Variants in NYAP2 observed in about 807,000 individuals in gnomAD.
NYAP2 encodes neuronal tyrosine-phosphorylated phosphoinositide-3-kinase adaptor 2.
In NYAP2, 23 loss-of-function variants were observed where a neutral mutation model predicts 50.4. The ratio of observed to expected loss-of-function variants is 0.46; its 90% confidence interval spans 0.33 to 0.65. NYAP2 has a LOEUF of 0.65. NYAP2 is among the 30% of genes least tolerant of loss of function. NYAP2 has a pLI of 0.02. For missense variants in NYAP2, 885 were observed against 861.0 expected (o/e 1.03, Z -0.35); for synonymous variants, 394 against 365.2 (o/e 1.08, Z -0.90).
At chr2:225,398,245 G>A (rs1559169366), upstream of NYAP2, among the ~76,000 whole-genome samples, 1 of 151,918 alleles carries the variant, frequency 6.6e-6, no homozygotes, top group East Asian at 1.9e-4. Flanking sequence ...ATCCTAATGA[G>A]GCAATTAAGT....
intron 6 of NYAP2, among the ~76,000 whole-genome samples, chr2:225,648,988 C>T (rs1371146463): frequency 6.6e-6 from 1 of 152,124 alleles, no homozygotes; most frequent in Non-Finnish European, 1.5e-5. Context: ...GAATGCATAT[C>T]ACAGGTGGAA....
chr2:225,690,403 A>G, the NYAP2 span, among the ~76,000 whole-genome samples: 1 of 152,130 alleles, frequency 6.6e-6, no homozygotes, highest in East Asian at 1.9e-4. Flanking sequence ...ATCAATTTCA[A>G]AAGATTTATT....
intron 3 of NYAP2, among the ~76,000 whole-genome samples, chr2:225,484,893 T>C (rs1440964887): frequency 1.3e-5 from 2 of 152,210 alleles, no homozygotes; most frequent in East Asian, 3.9e-4. Flanking sequence ...AAATGAAAAC[T>C]TGGGCTTCAC....
intron 3 of NYAP2, among the ~76,000 whole-genome samples, chr2:225,485,833 G>A (rs1055902528): frequency 4.6e-5 from 7 of 152,162 alleles, no homozygotes; most frequent in Non-Finnish European, 5.9e-5. Flanking sequence ...GTTTCTCGGC[G>A]TGACTGACAT....
chr2:225,546,148 T>C (rs1414873053), intron 4 of NYAP2, among the ~76,000 whole-genome samples: 1 of 152,122 alleles, frequency 6.6e-6, no homozygotes, highest in African/African-American at 2.4e-5. Context: ...CAGCAGAGAA[T>C]TGAGTCTCTC....
chr2:225,584,354 G>GT (rs1415087236), intron 5 of NYAP2, among the ~76,000 whole-genome samples: 6 of 152,116 alleles, frequency 3.9e-5, no homozygotes, highest in African/African-American at 1.4e-4. Context: ...TCAAAGACCA[G>GT]GAAATTTATC....
chr2:225,451,028 G>A (rs1435352606), intron 3 of NYAP2, among the ~76,000 whole-genome samples: 1 of 152,166 alleles, frequency 6.6e-6, no homozygotes, highest in Non-Finnish European at 1.5e-5. Flanking sequence ...TCATCTAAAA[G>A]GGGACTTAAT....
At chr2:225,522,645 G>T (rs1416177258) in intron 4 of NYAP2, among the ~76,000 whole-genome samples, 1 of 152,106 alleles carries the variant, frequency 6.6e-6, no homozygotes, top group African/African-American at 2.4e-5. Flanking sequence ...TATCTACCCT[G>T]TTGTACTGGG....
chr2:225,685,635 T>C, the NYAP2 span, among the ~76,000 whole-genome samples: 25 of 152,146 alleles, frequency 1.6e-4, no homozygotes. Context: ...ATATGTCACA[T>C]TTTTTTCTAT....
rs563240855 is a variant in NYAP2, at chr2:225,506,420, T to G, written c.222-6951T>G. 9.2e-5 allele frequency among the ~76,000 whole-genome samples: 14 copies of G among 152,348 alleles called. 1 individual carries two copies. In the East Asian group the frequency reaches 2.5e-3, roughly 27 times the overall value. On this transcript the variant is annotated intron_variant, in intron 3 of 6. Transcript: ENST00000636099. ...GATGTAACTAATTATGCCTCTCTCTTAAAAGTCTGACTTTGAGTTGAGGCA... is the reference window on the plus strand; with the variant it reads ...GATGTAACTAATTATGCCTCTCTCTGAAAAGTCTGACTTTGAGTTGAGGCA...
chr2:225,702,257 C>T, the NYAP2 span: 1 of 151,740 alleles, frequency 6.6e-6, no homozygotes, highest in Non-Finnish European at 1.5e-5. Context: ...ACTACATCTT[C>T]CATGTATACA....
intron 5 of NYAP2, among the ~76,000 whole-genome samples, chr2:225,584,775 A>G (rs1692361463): frequency 6.6e-6 from 1 of 152,262 alleles, no homozygotes; most frequent in South Asian, 2.1e-4. Flanking sequence ...ACCTAAGTGA[A>G]AGGCAGACAT....
At chr2:225,460,209 C>A (rs2106153365) in intron 3 of NYAP2, among the ~76,000 whole-genome samples, 2 of 152,198 alleles carry the variant, frequency 1.3e-5, no homozygotes, top group East Asian at 3.9e-4. Flanking sequence ...CAAGAGGCTA[C>A]CAGTCCCCCT....
chr2:225,410,039 C>T (rs753129504), intron 3 of NYAP2, among the ~76,000 whole-genome samples: 16 of 151,932 alleles, frequency 1.1e-4, no homozygotes, highest in South Asian at 2.1e-4. Flanking sequence ...CATCTCTGAA[C>T]GCTGTGATAT....
chr2:225,515,566 A>T (rs1213310977), intron 4 of NYAP2, among the ~76,000 whole-genome samples: 1 of 152,168 alleles, frequency 6.6e-6, no homozygotes, highest in Non-Finnish European at 1.5e-5. Context: ...AGTTATCAGT[A>T]AGTCCTTCAA....
chr2:225,447,270 G>C (rs1026062996), intron 3 of NYAP2, among the ~76,000 whole-genome samples: 9 of 152,264 alleles, frequency 5.9e-5, no homozygotes, highest in African/African-American at 2.2e-4. Flanking sequence ...ATTGTTCTTT[G>C]ATTCTTATAA....
chr2:225,484,972 G>A (rs551208093), intron 3 of NYAP2, among the ~76,000 whole-genome samples: 1 of 152,330 alleles, frequency 6.6e-6, no homozygotes, highest in South Asian at 2.1e-4. Context: ...ACCCCTGTGG[G>A]TAATTTTGAG....
At chr2:225,648,425 G>T (rs1176899073) in intron 6 of NYAP2, among the ~76,000 whole-genome samples, 1 of 152,098 alleles carries the variant, frequency 6.6e-6, no homozygotes, top group Non-Finnish European at 1.5e-5. Flanking sequence ...TGGAATAATT[G>T]AACATTTTTG....
intron 4 of NYAP2, among the ~76,000 whole-genome samples, chr2:225,579,603 CA>C (rs1291283520): frequency 6.6e-6 from 1 of 152,212 alleles, no homozygotes; most frequent in African/African-American, 2.4e-5. Context: ...TCTTCCATTC[CA>C]AAGGCCACCT....
Sources: allele counts gnomAD v4.1 joint callset (sites outside exome capture counted in the v4.1 genomes callset), GRCh38; gene constraint gnomAD v4.1.1; transcripts MANE v1.5; gene names NCBI Gene and HGNC (gene_info 2026-07-23, HGNC 2026-07-21).